ASTN2: variants seen among roughly 807,000 people sequenced by gnomAD.
ASTN2 encodes the protein astrotactin 2.
In ASTN2, 54 loss-of-function variants were observed where a neutral mutation model predicts 139.8. The observed-to-expected ratio is 0.39, with a 90% CI of 0.31 to 0.48. The LOEUF (loss-of-function observed/expected upper bound fraction) is 0.48, where lower values mean the gene tolerates loss of function less well. Ranked by LOEUF, ASTN2 falls within the 20% of genes least tolerant of loss-of-function variation. The pLI is 0.95. For missense variants in ASTN2, 1,565 were observed against 1,725.1 expected (o/e 0.91, Z 1.64); for synonymous variants, 756 against 719.5 (o/e 1.05, Z -0.81).
intron 19 of ASTN2, among the ~76,000 whole-genome samples, chr9:116,504,109 G>A (rs1421631948): frequency 6.6e-6 from 1 of 152,116 alleles, no homozygotes; most frequent in African/African-American, 2.4e-5. Flanking sequence ...CTAGCCTATA[G>A]GGTGCCTCTG....
chr9:117,292,803 A>G (rs1302968058), intron 1 of ASTN2, among the ~76,000 whole-genome samples: 1 of 152,116 alleles, frequency 6.6e-6, no homozygotes, highest in African/African-American at 2.4e-5. Flanking sequence ...AGCACCCATC[A>G]TATCTGATGA....
At chr9:116,473,041 C>T (rs1287576866) in intron 20 of ASTN2, among the ~76,000 whole-genome samples, 1 of 151,960 alleles carries the variant, frequency 6.6e-6, no homozygotes, top group Non-Finnish European at 1.5e-5. Context: ...GGGATAGTAT[C>T]TACCTTAGAG....
chr9:117,200,999 T>TTTTA (rs1368927145), intron 3 of ASTN2, among the ~76,000 whole-genome samples: 1 of 144,530 alleles, frequency 6.9e-6, no homozygotes, highest in Non-Finnish European at 1.5e-5. Context: ...TCCTGGGCTT[T>TTTTA]TTTTTTTTTT....
At chr9:116,441,479 T>C (rs1046435717) in intron 21 of ASTN2, among the ~76,000 whole-genome samples, 2 of 152,220 alleles carry the variant, frequency 1.3e-5, no homozygotes, top group Non-Finnish European at 2.9e-5. Flanking sequence ...CCTCCCATTA[T>C]GTTACACTAT....
chr9:117,207,677 G>A (rs1442103624), intron 3 of ASTN2, among the ~76,000 whole-genome samples: 1 of 152,146 alleles, frequency 6.6e-6, no homozygotes, highest in East Asian at 1.9e-4. Context: ...AGCAGCTCCT[G>A]GCAGGTACGC....
chr9:117,243,817 A>G lies in ASTN2; in HGVS notation c.631-29075T>C, dbSNP rs527610410. ...AGCACATTCAGACCCAGACACTGTC[A>G]GATACTTCAAGGTGGCTACCCAATA... On this transcript the variant is annotated intron_variant, in intron 2 of 22. Transcript: ENST00000313400. Among the ~76,000 whole-genome samples, 34 of 152,306 alleles carry G rather than the reference A, an allele frequency of 2.2e-4. No individual in the cohort carries two copies. In the South Asian group the frequency reaches 7.0e-3, roughly 32 times the overall value.
intron 10 of ASTN2, among the ~76,000 whole-genome samples, chr9:116,880,817 C>A (rs1833433467): frequency 6.6e-6 from 1 of 152,114 alleles, no homozygotes; most frequent in African/African-American, 2.4e-5. Context: ...TAACTCCATG[C>A]TAGATACTTG....
intron 2 of ASTN2, among the ~76,000 whole-genome samples, chr9:117,245,157 C>G (rs559825241): frequency 6.6e-6 from 1 of 152,260 alleles, no homozygotes. Flanking sequence ...AGGGCATGCT[C>G]TCTGTGTAAT....
intron 2 of ASTN2, among the ~76,000 whole-genome samples, chr9:117,221,751 G>A (rs1017857693): frequency 3.9e-5 from 6 of 152,056 alleles, no homozygotes; most frequent in African/African-American, 1.4e-4. Flanking sequence ...AAGGGGGCCC[G>A]GGATCCAAGT....
chr9:117,063,585 A>G (rs1454796375), intron 5 of ASTN2, among the ~76,000 whole-genome samples: 1 of 152,182 alleles, frequency 6.6e-6, no homozygotes, highest in African/African-American at 2.4e-5. Flanking sequence ...TTTCCTGTAT[A>G]AATTACCAAG....
At chr9:116,581,587 A>T (rs564945705) in intron 19 of ASTN2, among the ~76,000 whole-genome samples, 1 of 152,262 alleles carries the variant, frequency 6.6e-6, no homozygotes, top group East Asian at 1.9e-4. Flanking sequence ...TGGTCCTCAT[A>T]TCCAATTGTC....
chr9:116,960,185 G>A (rs921396927), intron 10 of ASTN2, among the ~76,000 whole-genome samples: 1 of 152,100 alleles, frequency 6.6e-6, no homozygotes, highest in Non-Finnish European at 1.5e-5. Flanking sequence ...CCCTGCAGCT[G>A]GGGTCGCTGG....
chr9:116,760,318 G>A (rs1490637007), intron 13 of ASTN2, among the ~76,000 whole-genome samples: 1 of 152,224 alleles, frequency 6.6e-6, no homozygotes, highest in African/African-American at 2.4e-5. Flanking sequence ...GTATGGGGCA[G>A]CATTTGTGGC....
At chr9:116,680,825 C>CA (rs1859810493) in intron 16 of ASTN2, among the ~76,000 whole-genome samples, 2 of 152,114 alleles carry the variant, frequency 1.3e-5, no homozygotes, top group South Asian at 2.1e-4. Context: ...AATTCAACAA[C>CA]CTTCATGCTA....
intron 11 of ASTN2, among the ~76,000 whole-genome samples, chr9:116,824,057 G>A (rs531173955): frequency 2.6e-5 from 4 of 152,202 alleles, no homozygotes; most frequent in Non-Finnish European, 4.4e-5. Context: ...TTTGCTGAAC[G>A]AATTGGTGGA....
intron 14 of ASTN2, among the ~76,000 whole-genome samples, chr9:116,733,099 G>A (rs1041871821): frequency 6.6e-6 from 1 of 152,178 alleles, no homozygotes; most frequent in East Asian, 1.9e-4. Context: ...AATGAAAAGT[G>A]TTTTGAGACT....
At chr9:117,236,444 G>C (rs1454189498) in intron 2 of ASTN2, among the ~76,000 whole-genome samples, 1 of 152,114 alleles carries the variant, frequency 6.6e-6, no homozygotes, top group East Asian at 1.9e-4. Context: ...ACTATAGATT[G>C]GTTGGAAACT....
At chr9:117,331,911 C>T (rs1828722606) in intron 1 of ASTN2, among the ~76,000 whole-genome samples, 1 of 152,134 alleles carries the variant, frequency 6.6e-6, no homozygotes, top group African/African-American at 2.4e-5. Context: ...CTCTCCTCAA[C>T]AACCCTCCAT....
At chr9:117,144,687 T>G (rs1314409638) in intron 3 of ASTN2, among the ~76,000 whole-genome samples, 3 of 58,264 alleles carry the variant, frequency 5.1e-5, no homozygotes, top group East Asian at 1.0e-3. Flanking sequence ...TTTTTTTTTT[T>G]TTTTTTTTTT....
Sources: allele counts gnomAD v4.1 joint callset (sites outside exome capture counted in the v4.1 genomes callset), GRCh38; gene constraint gnomAD v4.1.1; transcripts MANE v1.5; gene names NCBI Gene and HGNC (gene_info 2026-07-23, HGNC 2026-07-21).